Variants in RABEPK observed in about 807,000 individuals in gnomAD.
RABEPK encodes the protein 40 kDa Rab9 effector protein.
In RABEPK, 27 loss-of-function variants were observed where a neutral mutation model predicts 34.1. The ratio of observed to expected loss-of-function variants is 0.79; its 90% CI spans 0.58 to 1.09. The LOEUF (loss-of-function observed/expected upper bound fraction) is 1.09, where lower values mean the gene tolerates loss of function less well. Among genes scored for constraint, RABEPK ranks in the 50% least tolerant of loss-of-function variants. RABEPK has a pLI of 0.00. For missense variants in RABEPK, 449 were observed against 462.6 expected, an observed-to-expected ratio of 0.97 and a Z score of 0.27; for synonymous variants, 172 against 169.2, an observed-to-expected ratio of 1.02 and a Z score of -0.13.
At chr9:125,204,237 G>A (rs1233196522) in intron 2 of RABEPK, among the ~76,000 whole-genome samples, 2 of 151,734 alleles carry the variant, frequency 1.3e-5, no homozygotes, top group African/African-American at 2.4e-5. Flanking sequence ...TGGAGGCTGA[G>A]GCACTCCAGC....
chr9:125,211,322 G>C (rs1411748610), intron 3 of RABEPK, among the ~76,000 whole-genome samples: 1 of 151,208 alleles, frequency 6.6e-6, no homozygotes, highest in Non-Finnish European at 1.5e-5. Context: ...GCTAATTTTT[G>C]TATTTTTAGT....
In RABEPK at chr9:125,234,097, G is replaced by C; in HGVS notation, c.*117G>C. ...ATATATCTGTTTTTCTCCTACTTTG[G>C]TAGGTGAAGAAACTAATGCAAATAA... On this transcript the variant is annotated 3_prime_UTR_variant, in exon 8 of 8. Coordinates refer to ENST00000373538, the MANE Select transcript of RABEPK (RefSeq NM_005833.4). 1 of 1,103,408 alleles carries C rather than the reference G, an allele frequency of 9.1e-7. No individual in the cohort carries two copies. Among genetic ancestry groups the C allele is most frequent in the Non-Finnish European group, 1.3e-6 (1 of 761,410 alleles). 68.4% of individuals were successfully genotyped at this position (1,103,408 alleles called of 1,614,324 possible). A position where few individuals can be genotyped will look rare whatever the true frequency, so the allele number is the denominator to read the frequency against.
rs377711539 is a variant in RABEPK at position 125,228,071 on chromosome 9, A to G, written c.676+12A>G. 1.3e-6 allele frequency: 2 copies of G among 1,484,802 alleles called. No homozygotes were observed. The highest frequency in any genetic ancestry group is 2.3e-5 in the Admixed American group (1 of 44,134). 92.0% of individuals were successfully genotyped at this position (1,484,802 alleles called of 1,614,324 possible). ...CTGCATTGATATAAGTAAGCAGGGC[A>G]TGGGGGCTTGTCTGTTTAAAATTGT... On this transcript the variant is annotated intron_variant, in intron 6 of 7. Coordinates refer to ENST00000373538, the MANE Select transcript of RABEPK (RefSeq NM_005833.4).
chr9:125,234,118 A>G lies in RABEPK; in HGVS notation c.*138A>G. ...TTTGGTAGGTGAAGAAACTAATGCA[A>G]ATAATTCTTATGTGCACTAAACCTT... On this transcript the variant is annotated 3_prime_UTR_variant, in exon 8 of 8. Transcript: ENST00000373538. 2.2e-6 allele frequency: 2 copies of G among 907,380 alleles called. No individual in the cohort carries two copies. Among genetic ancestry groups the G allele is most frequent in the Non-Finnish European group, 3.4e-6 (2 of 591,488 alleles). 56.2% of individuals were successfully genotyped at this position (907,380 alleles called of 1,614,324 possible). A position where few individuals can be genotyped will look rare whatever the true frequency, so the allele number is the denominator to read the frequency against.
chr9:125,227,771 G>T (rs1030341716), intron 5 of RABEPK, 139 bp from the exon 6 acceptor site: 38 of 598,972 alleles, frequency 6.3e-5, no homozygotes, highest in Non-Finnish European at 9.0e-5. Flanking sequence ...GGCTGGGGGA[G>T]TTGGAGTGAA....
chr9:125,217,743 A>G (rs1831025876), intron 4 of RABEPK, among the ~76,000 whole-genome samples: 1 of 152,188 alleles, frequency 6.6e-6, no homozygotes, highest in African/African-American at 2.4e-5. Flanking sequence ...TTGAGTTGGC[A>G]GGAATACAGC....
chr9:125,231,894 ATTT>A (rs555538576), intron 6 of RABEPK, among the ~76,000 whole-genome samples: 49,524 of 111,874 alleles, frequency 0.44, 8,473 homozygotes, highest in Admixed American at 0.53. Flanking sequence ...AAGGAACTGT[ATTT>A]TTTTTTTTTT....
chr9:125,230,035 G>A (rs546926256), intron 6 of RABEPK, among the ~76,000 whole-genome samples: 1 of 152,274 alleles, frequency 6.6e-6, no homozygotes, highest in Non-Finnish European at 1.5e-5. Flanking sequence ...TGCGATCTTA[G>A]CTCATGGCAG....
Position 125,229,918 on chromosome 9 carries a change from A to G in RABEPK, c.676+1859A>G, listed in dbSNP as rs564539872. Among the ~76,000 whole-genome samples, 3 of 152,346 alleles carry G rather than the reference A, an allele frequency of 2.0e-5. No individual in the cohort carries two copies. The South Asian group carries it at 6.2e-4, about 32-fold the overall frequency. ...AGGGAACTTGTCTATTTTGTTCTCC[A>G]GTACATTTCTAGCACTTAGCACAGT... On this transcript the variant is annotated intron_variant, in intron 6 of 7. Transcript: ENST00000373538.
intron 5 of RABEPK, among the ~76,000 whole-genome samples, chr9:125,224,905 C>A (rs1479907521): frequency 1.3e-5 from 2 of 152,094 alleles, no homozygotes; most frequent in African/African-American, 4.8e-5. Context: ...ATCAGGAGTC[C>A]CTGCTAACTT....
Position 125,203,009 on chromosome 9 carries a change from A to G in RABEPK, c.-5A>G. The G allele has an allele frequency of 1.2e-6, 2 of 1,613,676 alleles. No homozygotes were observed. The highest frequency in any genetic ancestry group is 2.2e-5 in the South Asian group (2 of 91,078). On this transcript the variant is annotated splice_region_variant and 5_prime_UTR_variant, in exon 2 of 8. Coordinates refer to ENST00000373538, the MANE Select transcript of RABEPK (RefSeq NM_005833.4). ...AGTGCCTTTCTTTCTTATGCATAGG[A>G]CACCATGAAGCAACTGCCAGTCTTG...
At chr9:125,229,375 G>A (rs548769585) in intron 6 of RABEPK, among the ~76,000 whole-genome samples, 3 of 152,124 alleles carry the variant, frequency 2.0e-5, no homozygotes, top group East Asian at 1.9e-4. Flanking sequence ...GGAGGTTGCC[G>A]TGAGCTGATT....
intron 5 of RABEPK, among the ~76,000 whole-genome samples, chr9:125,223,555 G>C (rs450331): frequency 0.74 from 112,571 of 151,892 alleles, 41,967 homozygotes; most frequent in African/African-American, 0.78. Flanking sequence ...TCCAATTTTT[G>C]TCTATTATAA....
intron 4 of RABEPK, among the ~76,000 whole-genome samples, chr9:125,219,641 G>A (rs1414257560): frequency 6.6e-6 from 1 of 151,966 alleles, no homozygotes; most frequent in African/African-American, 2.4e-5. Flanking sequence ...ACCCTCAAGT[G>A]ATCCACCCAC....
chr9:125,207,750 C>A (rs749724290), intron 3 of RABEPK, 29 bp downstream of exon 3: 1 of 1,612,676 alleles, frequency 6.2e-7, no homozygotes. Flanking sequence ...GAGTACATGC[C>A]CTATGGCCAG....
chr9:125,230,423 C>T (rs1020904849), intron 6 of RABEPK, among the ~76,000 whole-genome samples: 13 of 152,160 alleles, frequency 8.5e-5, no homozygotes, highest in African/African-American at 2.9e-4. Context: ...ACAGCTGAGG[C>T]CAGGGGACAC....
chr9:125,216,255 A>T (rs955615119), intron 4 of RABEPK, among the ~76,000 whole-genome samples: 1 of 152,048 alleles, frequency 6.6e-6, no homozygotes, highest in Admixed American at 6.6e-5. Flanking sequence ...ATCATGCCAC[A>T]GCCTGAGCAA....
chr9:125,215,643 A>G (rs555816447), intron 4 of RABEPK, among the ~76,000 whole-genome samples: 2 of 152,172 alleles, frequency 1.3e-5, no homozygotes, highest in African/African-American at 2.4e-5. Context: ...ATCATACTCC[A>G]TTATATATAA....
intron 4 of RABEPK, among the ~76,000 whole-genome samples, chr9:125,219,386 T>A (rs1831170196): frequency 6.6e-6 from 1 of 150,644 alleles, no homozygotes; most frequent in Admixed American, 6.6e-5. Flanking sequence ...ATTTTTAATT[T>A]ATTTTATTTT....
Sources: gnomAD v4.1 joint callset for allele counts (sites outside exome capture counted in the v4.1 genomes callset) on GRCh38, gnomAD v4.1.1 for gene constraint, MANE v1.5 for transcripts, NCBI Gene and HGNC (gene_info 2026-07-23, HGNC 2026-07-21) for gene names.